Variants in SLIT3 observed in about 807,000 individuals in gnomAD.
SLIT3 encodes slit guidance ligand 3.
A neutral mutation model predicts 184.0 loss-of-function variants in SLIT3; 68 were observed. That is an observed-to-expected ratio of 0.37 (90% CI 0.30 to 0.45). The LOEUF is 0.45. Ranked by LOEUF, SLIT3 falls within the 20% of genes least tolerant of loss-of-function variation. The pLI is 1.00. For missense variants in SLIT3, 1,707 were observed against 2,026.0 expected (o/e 0.84, Z 3.02); for synonymous variants, 831 against 828.6 (o/e 1.00, Z -0.05).
intron 4 of SLIT3, among the ~76,000 whole-genome samples, chr5:168,939,662 T>C (rs1933803077): frequency 6.6e-6 from 1 of 152,220 alleles, no homozygotes; most frequent in Non-Finnish European, 1.5e-5. Flanking sequence ...TGCAAACAAA[T>C]GGCTCTTTTT....
intron 4 of SLIT3, among the ~76,000 whole-genome samples, chr5:169,042,063 G>A (rs1443540407): frequency 6.6e-6 from 1 of 152,172 alleles, no homozygotes; most frequent in African/African-American, 2.4e-5. Flanking sequence ...TGCATGTATA[G>A]TGCTGTACAC....
chr5:168,748,866 T>C (rs78758741), intron 19 of SLIT3, among the ~76,000 whole-genome samples: 10,851 of 152,276 alleles, frequency 0.071, 533 homozygotes, highest in Non-Finnish European at 0.11. Context: ...TATCTGTCTC[T>C]AGATAACCCA....
At chr5:169,126,015 C>A (rs541503570) in intron 4 of SLIT3, among the ~76,000 whole-genome samples, 1 of 152,246 alleles carries the variant, frequency 6.6e-6, no homozygotes, top group South Asian at 2.1e-4. Flanking sequence ...CTTTTTAGCT[C>A]ATCTCATGGT....
chr5:169,081,836 T>A (rs1199196554), intron 4 of SLIT3, among the ~76,000 whole-genome samples: 2 of 152,172 alleles, frequency 1.3e-5, no homozygotes, highest in Non-Finnish European at 2.9e-5. Flanking sequence ...ACCGTCTCAC[T>A]TACTCTTCAC....
At chr5:168,856,806 T>TGCGCGCGCGC (rs61149576) in intron 5 of SLIT3, among the ~76,000 whole-genome samples, 28 of 137,816 alleles carry the variant, frequency 2.0e-4, no homozygotes, top group African/African-American at 7.7e-4. Context: ...TGTGTGTGTG[T>TGCGCGCGCGC]GCGCGCGCGC....
At chr5:168,869,482 G>A (rs112711378) in intron 5 of SLIT3, among the ~76,000 whole-genome samples, 2,645 of 152,320 alleles carry the variant, frequency 0.017, 77 homozygotes, top group African/African-American at 0.06. Context: ...GTCAGGGTTT[G>A]ACAAAAGCTT....
At chr5:168,869,971 T>G (rs944644989) in intron 5 of SLIT3, among the ~76,000 whole-genome samples, 1 of 152,232 alleles carries the variant, frequency 6.6e-6, no homozygotes, top group East Asian at 1.9e-4. Context: ...CATCCATTTA[T>G]AGAGCTGAAT....
chr5:168,755,393 C>CTTTCTTTCTTTCCTTTCTTTCTTTCT (rs1754865818), intron 16 of SLIT3, among the ~76,000 whole-genome samples: 1 of 9,536 alleles, frequency 1.0e-4, no homozygotes, highest in Non-Finnish European at 1.9e-4. Flanking sequence ...GCCGCCATTT[C>CTTTCTTTCTTTCCTTTCTTTCTTTCT]TTTCTTTCTT....
At chr5:169,210,448 T>C (rs890597896) in intron 3 of SLIT3, among the ~76,000 whole-genome samples, 1 of 152,132 alleles carries the variant, frequency 6.6e-6, no homozygotes, top group Admixed American at 6.6e-5. Flanking sequence ...GAAAATAATT[T>C]GAGTAAAGGT....
intron 4 of SLIT3, among the ~76,000 whole-genome samples, chr5:169,081,884 T>C (rs1282272964): frequency 6.6e-6 from 1 of 152,194 alleles, no homozygotes; most frequent in Non-Finnish European, 1.5e-5. Flanking sequence ...CAGTTCTTCA[T>C]TTGAGAAGAC....
chr5:168,725,544 T>C, intron 20 of SLIT3, among the ~76,000 whole-genome samples: 1 of 152,262 alleles, frequency 6.6e-6, no homozygotes, highest in East Asian at 1.9e-4. Context: ...ACATAGCCAC[T>C]GCTGTCCATT....
chr5:169,078,405 C>A (rs141858538), intron 4 of SLIT3, among the ~76,000 whole-genome samples: 1 of 152,052 alleles, frequency 6.6e-6, no homozygotes, highest in Non-Finnish European at 1.5e-5. Flanking sequence ...TACCCACCAC[C>A]GATAAAGTGA....
At chr5:169,066,942 GAAAA>G (rs60977256) in intron 4 of SLIT3, among the ~76,000 whole-genome samples, 17 of 80,438 alleles carry the variant, frequency 2.1e-4, no homozygotes, top group Middle Eastern at 7.4e-3. Flanking sequence ...TCCCTTTCCT[GAAAA>G]AAAAAAAAAA....
At chr5:169,103,963 G>A (rs1760109417) in intron 4 of SLIT3, among the ~76,000 whole-genome samples, 1 of 152,228 alleles carries the variant, frequency 6.6e-6, no homozygotes, top group South Asian at 2.1e-4. Flanking sequence ...ACCCGTCTGT[G>A]AACTCCAGAG....
intron 4 of SLIT3, among the ~76,000 whole-genome samples, chr5:169,138,534 T>C (rs1276160837): frequency 6.6e-6 from 1 of 152,144 alleles, no homozygotes. Context: ...GTTCTGCCTC[T>C]GGGAAAGTGA....
chr5:168,977,260 C>T (rs1206621852), intron 4 of SLIT3, among the ~76,000 whole-genome samples: 1 of 152,160 alleles, frequency 6.6e-6, no homozygotes, highest in African/African-American at 2.4e-5. Flanking sequence ...AGAGCACCAT[C>T]AGTTTCTCCT....
At chr5:169,288,017 C>G (rs1767216507) in intron 1 of SLIT3, among the ~76,000 whole-genome samples, 1 of 152,210 alleles carries the variant, frequency 6.6e-6, no homozygotes, top group Admixed American at 6.5e-5. Context: ...CCCCCTCCCT[C>G]ATTTTCCCCT....
At position 169,300,509 on chromosome 5, in the gene SLIT3, T is replaced by C; in HGVS notation, c.197+4A>G. On this transcript the variant is annotated splice_donor_region_variant and intron_variant, in intron 1 of 35. Coordinates refer to ENST00000519560, the MANE Select transcript of SLIT3 (RefSeq NM_003062.4). The surrounding 1 kb of genome is among the most constrained non-coding windows in gnomAD (Gnocchi z 4.1). ...CCCGCGTGGGGTGGGGCAGGGGTAC[T>C]CACAGGCGCTCAGCGTTGCGGGGGA... 6.7e-7 allele frequency: 1 copy of C among 1,495,616 alleles called. No homozygotes were observed. Among genetic ancestry groups the C allele is most frequent in the East Asian group, 2.8e-5 (1 of 35,426 alleles). 92.6% of individuals were successfully genotyped at this position (1,495,616 alleles called of 1,614,324 possible). A position where few individuals can be genotyped will look rare whatever the true frequency, so the allele number is the denominator to read the frequency against.
intron 4 of SLIT3, among the ~76,000 whole-genome samples, chr5:169,046,086 G>A (rs1051858896): frequency 6.6e-6 from 1 of 152,168 alleles, no homozygotes; most frequent in African/African-American, 2.4e-5. Context: ...TTTGATGATG[G>A]ACAAAGAAGT....
Sources: gnomAD v4.1 joint callset for allele counts (sites outside exome capture counted in the v4.1 genomes callset) on GRCh38, gnomAD v4.1.1 for gene constraint, Gnocchi (gnomAD v3.1) non-coding constraint, MANE v1.5 for transcripts, NCBI Gene and HGNC (gene_info 2026-07-23, HGNC 2026-07-21) for gene names.